The following SLC24A3 variants were observed in gnomAD, a reference collection of about 807,000 sequenced individuals.
SLC24A3 encodes solute carrier family 24 member 3, also known as sodium/potassium/calcium exchanger 3.
A neutral mutation model predicts 75.8 loss-of-function variants in SLC24A3; 28 were observed. The observed-to-expected ratio is 0.37, with a 90% CI of 0.27 to 0.51. The LOEUF (loss-of-function observed/expected upper bound fraction) is 0.51, where lower values mean the gene tolerates loss of function less well. SLC24A3 is among the 20% of genes least tolerant of loss of function. The probability of loss-of-function intolerance (pLI) is 0.94; values close to 1 mark genes in which losing one functional copy is unlikely to be tolerated. For synonymous variants in SLC24A3, 372 were observed against 334.1 expected, an observed-to-expected ratio of 1.11 and a Z score of -1.24; for missense variants, 663 against 847.8, an observed-to-expected ratio of 0.78 and a Z score of 2.71.
chr20:19,585,372 GT>G, intron 5 of SLC24A3, 68 bp from the exon 6 acceptor site: 1 of 1,440,492 alleles, frequency 6.9e-7, no homozygotes. Context: ...CTTATGAAAG[GT>G]TCCCCATGCC....
intron 1 of SLC24A3, among the ~76,000 whole-genome samples, chr20:19,271,213 T>C (rs1188081217): frequency 6.6e-6 from 1 of 152,160 alleles, no homozygotes; most frequent in African/African-American, 2.4e-5. Context: ...TTGTGAAGCC[T>C]TCTGAAGCAA....
intron 15 of SLC24A3, among the ~76,000 whole-genome samples, chr20:19,714,723 G>A (rs769764901): frequency 6.6e-6 from 1 of 152,260 alleles, no homozygotes; most frequent in Non-Finnish European, 1.5e-5. Context: ...ACAAAAGAGT[G>A]AGTTGCCTTT....
intron 1 of SLC24A3, 196 bp downstream of exon 1, chr20:19,213,180 C>T (rs1352669186): frequency 1.3e-5 from 7 of 530,688 alleles, no homozygotes; most frequent in Non-Finnish European, 1.9e-5. Flanking sequence ...GGACCCTGAG[C>T]GCCAGCAGCC....
intron 15 of SLC24A3, among the ~76,000 whole-genome samples, chr20:19,712,959 G>A (rs568639875): frequency 1.3e-5 from 2 of 152,366 alleles, no homozygotes; most frequent in African/African-American, 2.4e-5. Flanking sequence ...GCCTGCCTCA[G>A]GCAAGGCTTA....
intron 2 of SLC24A3, among the ~76,000 whole-genome samples, chr20:19,440,538 A>C (rs1568618611): frequency 6.6e-6 from 1 of 152,096 alleles, no homozygotes; most frequent in African/African-American, 2.4e-5. Flanking sequence ...ACCATGAGGT[A>C]AGAGAGAGAG....
chr20:19,608,485 T>TG (rs2031627374), intron 6 of SLC24A3, among the ~76,000 whole-genome samples: 2 of 152,250 alleles, frequency 1.3e-5, no homozygotes, highest in African/African-American at 4.8e-5. Flanking sequence ...TACCATTTGC[T>TG]GGTGTCTTCT....
At chr20:19,635,248 A>G (rs1333549062) in intron 6 of SLC24A3, among the ~76,000 whole-genome samples, 1 of 152,216 alleles carries the variant, frequency 6.6e-6, no homozygotes, top group Non-Finnish European at 1.5e-5. Context: ...GTTTTTAATG[A>G]ATTTCTAGAG....
At chr20:19,435,488 C>T (rs779489620) in intron 2 of SLC24A3, among the ~76,000 whole-genome samples, 5 of 152,148 alleles carry the variant, frequency 3.3e-5, no homozygotes, top group Non-Finnish European at 7.3e-5. Flanking sequence ...ATTCATCTGC[C>T]CACTAAAATG....
At chr20:19,663,480 T>TGCA in intron 7 of SLC24A3, among the ~76,000 whole-genome samples, 1 of 127,956 alleles carries the variant, frequency 7.8e-6, no homozygotes, top group African/African-American at 3.1e-5. Context: ...CTCCTCCGCC[T>TGCA]TCTCATCCTC....
At chr20:19,452,636 G>A (rs140389505) in intron 2 of SLC24A3, among the ~76,000 whole-genome samples, 1 of 152,094 alleles carries the variant, frequency 6.6e-6, no homozygotes, top group Admixed American at 6.5e-5. Flanking sequence ...GGTCCTGGGT[G>A]AATCATTCTA....
chr20:19,681,792 G>C, intron 9 of SLC24A3, 66 bp from the exon 10 acceptor site: 1 of 1,609,818 alleles, frequency 6.2e-7, no homozygotes, highest in Non-Finnish European at 8.5e-7. Context: ...GAAGCACTTG[G>C]TGGGAGTTGA....
At position 19,256,497 on chromosome 20, in the gene SLC24A3, A is replaced by G. The variant is rs995171204; in HGVS notation, c.143-24462A>G. Among the ~76,000 whole-genome samples the G allele has an allele frequency of 7.2e-5, 11 of 152,294 alleles. No homozygotes were observed. The East Asian group carries it at 1.9e-3, about 27-fold the overall frequency. On this transcript the variant is annotated intron_variant, in intron 1 of 16. Transcript: ENST00000328041. ...AATTTTTATGGTACTGGCTGGGTGC[A>G]GTGGCTCACGCTTGTAATTCCGGCA...
chr20:19,330,225 C>G (rs1408477940), intron 2 of SLC24A3, among the ~76,000 whole-genome samples: 1 of 152,152 alleles, frequency 6.6e-6, no homozygotes, highest in Non-Finnish European at 1.5e-5. Context: ...TGAGGAGGGC[C>G]TCCAATCGGT....
At chr20:19,499,386 T>C (rs377449400) in intron 2 of SLC24A3, among the ~76,000 whole-genome samples, 2 of 152,346 alleles carry the variant, frequency 1.3e-5, no homozygotes, top group African/African-American at 4.8e-5. Flanking sequence ...AAGAGCCTTC[T>C]TCTGGGTGAC....
chr20:19,429,518 C>T (rs111831856), intron 2 of SLC24A3, among the ~76,000 whole-genome samples: 2 of 152,194 alleles, frequency 1.3e-5, no homozygotes, highest in African/African-American at 4.8e-5. Context: ...ATTCAGGAGA[C>T]ACTGTTCTTT....
At chr20:19,349,335 G>A (rs974564875) in intron 2 of SLC24A3, among the ~76,000 whole-genome samples, 3 of 152,160 alleles carry the variant, frequency 2.0e-5, no homozygotes, top group African/African-American at 7.2e-5. Context: ...CTGCAGACTA[G>A]GAGGATTGGG....
chr20:19,554,355 A>T (rs1005290530), intron 3 of SLC24A3, among the ~76,000 whole-genome samples: 5 of 152,034 alleles, frequency 3.3e-5, no homozygotes, highest in Non-Finnish European at 7.4e-5. Context: ...AATTTTTTTC[A>T]TTGCATATGT....
intron 1 of SLC24A3, chr20:19,213,478 AC>A (rs1228515324): frequency 6.6e-6 from 1 of 152,440 alleles, no homozygotes; most frequent in Admixed American, 6.5e-5. Flanking sequence ...GAGCTCTTCA[AC>A]CCCCTTTCAG....
At chr20:19,403,334 A>G (rs1301867346) in intron 2 of SLC24A3, among the ~76,000 whole-genome samples, 1 of 152,200 alleles carries the variant, frequency 6.6e-6, no homozygotes, top group South Asian at 2.1e-4. Flanking sequence ...TGCTTATTCT[A>G]TTATAGAGAA....
Sources: allele counts gnomAD v4.1 joint callset (sites outside exome capture counted in the v4.1 genomes callset), GRCh38; gene constraint gnomAD v4.1.1; transcripts MANE v1.5; gene names NCBI Gene and HGNC (gene_info 2026-07-23, HGNC 2026-07-21).